SLC6A2: variants seen among roughly 807,000 people sequenced by gnomAD.
SLC6A2 encodes sodium-dependent noradrenaline transporter.
In SLC6A2, 26 loss-of-function variants were observed where a neutral mutation model predicts 71.7. That is an observed-to-expected ratio of 0.36 (90% CI 0.27 to 0.50). The LOEUF (loss-of-function observed/expected upper bound fraction) is 0.50, where lower values mean the gene tolerates loss of function less well. Ranked by LOEUF, SLC6A2 falls within the 20% of genes least tolerant of loss-of-function variation. The pLI is 0.96. For synonymous variants in SLC6A2, 363 were observed against 337.9 expected (o/e 1.07, Z -0.82); for missense variants, 581 against 803.9 (o/e 0.72, Z 3.35).
intron 3 of SLC6A2, 137 bp downstream of exon 3, chr16:55,669,833 G>A: frequency 1.1e-6 from 1 of 938,158 alleles, no homozygotes; most frequent in South Asian, 1.4e-5. Flanking sequence ...GGTCAACAGT[G>A]TCCCCCATTC....
Position 55,685,327 on chromosome 16 carries a change from T to TG in SLC6A2, c.783+52dup, listed in dbSNP as rs535108038. 4.2e-4 allele frequency: 659 copies of TG among 1,586,632 alleles called. 5 individuals are homozygous for TG. In the East Asian group the frequency reaches 0.014, roughly 34 times the overall value. ...TTTCACTTACTTGGGTGATCAACCT[T>TG]GGGGGGTGTGATTATTTCTAGCAAT... On this transcript the variant is annotated intron_variant, in intron 5 of 14. Transcript: ENST00000568943.
chr16:55,660,656 T>C (rs1375474344), intron 2 of SLC6A2, among the ~76,000 whole-genome samples: 3 of 151,264 alleles, frequency 2.0e-5, no homozygotes, highest in African/African-American at 4.9e-5. Flanking sequence ...ATCTCGGGCA[T>C]AGTACAGCCC....
Position 55,692,035 on chromosome 16 carries a change from C to A in SLC6A2, c.901C>A (p.Arg301Ser), listed in dbSNP as rs1336250273. The A allele has an allele frequency of 6.8e-6, 11 of 1,614,184 alleles. No individual in the cohort carries two copies. Among genetic ancestry groups the A allele is most frequent in the Non-Finnish European group, 9.3e-6 (11 of 1,180,028 alleles). Residue 301 changes from arginine (R) to serine (S), a missense_variant, in exon 6 of 15, where the codon CGC becomes AGC. Transcript: ENST00000568943. ...INAYLHIDFYRLKEATVWIDA... is the reference protein window; with the variant it reads ...INAYLHIDFYSLKEATVWIDA... ...TGCCTACCTGCACATCGACTTCTAC[C>A]GCTTGAAAGAGGCCACGGTCAGTGC...
intron 4 of SLC6A2, among the ~76,000 whole-genome samples, chr16:55,675,656 G>A (rs1376090818): frequency 2.0e-5 from 3 of 152,136 alleles, no homozygotes; most frequent in South Asian, 2.1e-4. Context: ...GGTGGTTACC[G>A]AGCAGTTGAA....
At chr16:55,690,670 T>C (rs1965590003) in intron 5 of SLC6A2, among the ~76,000 whole-genome samples, 1 of 152,144 alleles carries the variant, frequency 6.6e-6, no homozygotes, top group Non-Finnish European at 1.5e-5. Context: ...CCTAAAGTGG[T>C]GATTTCTCAC....
At chr16:55,666,544 C>G (rs1964755915) in intron 2 of SLC6A2, among the ~76,000 whole-genome samples, 1 of 152,178 alleles carries the variant, frequency 6.6e-6, no homozygotes, top group Non-Finnish European at 1.5e-5. Flanking sequence ...TTCATTCCTA[C>G]TTAGCCATTT....
intron 5 of SLC6A2, among the ~76,000 whole-genome samples, chr16:55,690,883 C>A (rs554733741): frequency 6.6e-6 from 1 of 152,144 alleles, no homozygotes; most frequent in African/African-American, 2.4e-5. Flanking sequence ...CCATCCCTGT[C>A]TCTACCTTTC....
chr16:55,665,660 C>T (rs1964729281), intron 2 of SLC6A2, among the ~76,000 whole-genome samples: 1 of 152,104 alleles, frequency 6.6e-6, no homozygotes, highest in Non-Finnish European at 1.5e-5. Flanking sequence ...GGCCACTGCA[C>T]CCCTCACTGA....
Position 55,703,087 on chromosome 16 carries a change from G to T in SLC6A2, c.*741G>T, listed in dbSNP as rs1400982580. The T allele has an allele frequency of 2.0e-6, 2 of 985,708 alleles. No individual in the cohort carries two copies. The highest frequency in any genetic ancestry group is 2.4e-6 in the Non-Finnish European group (2 of 830,248). The allele number at this position is 985,708 out of a possible 1,614,324, so 61.1% of individuals were successfully genotyped here. ...AGGGTAAATGAACCACAGTGAGCAG[G>T]TTCTAGGAGGTACCTGCATCAGACA... On this transcript the variant is annotated 3_prime_UTR_variant, in exon 15 of 15. Coordinates refer to ENST00000568943, the MANE Select transcript of SLC6A2 (RefSeq NM_001172501.3).
Position 55,694,194 on chromosome 16 carries a change from G to A in SLC6A2, c.1022+81G>A, listed in dbSNP as rs189378009. On this transcript the variant is annotated intron_variant, in intron 7 of 14. Transcript: ENST00000568943. ...TGGGTGGCAGAGAGGGCTCTGGTCT[G>A]GAAGCCAACTCTCCCTGGGCAAGCC... 754 of 1,029,572 alleles carry A rather than the reference G, an allele frequency of 7.3e-4. 2 individuals are homozygous for A. The highest frequency in any genetic ancestry group is 6.3e-4 in the Admixed American group (37 of 58,896). 63.8% of individuals were successfully genotyped at this position (1,029,572 alleles called of 1,614,324 possible). A position where few individuals can be genotyped will look rare whatever the true frequency, so the allele number is the denominator to read the frequency against.
At chr16:55,660,318 G>C (rs1964576472) in intron 2 of SLC6A2, among the ~76,000 whole-genome samples, 1 of 152,138 alleles carries the variant, frequency 6.6e-6, no homozygotes, top group Non-Finnish European at 1.5e-5. Context: ...TAAGGGGTGG[G>C]GATATTATAC....
chr16:55,684,443 T>A (rs1329444700), intron 4 of SLC6A2, among the ~76,000 whole-genome samples: 1 of 152,222 alleles, frequency 6.6e-6, no homozygotes, highest in Non-Finnish European at 1.5e-5. Flanking sequence ...TTCTAGAGCA[T>A]GTCTTTTGGT....
chr16:55,696,131 T>G, intron 8 of SLC6A2, 94 bp from the exon 9 acceptor site: 1 of 805,194 alleles, frequency 1.2e-6, no homozygotes, highest in Non-Finnish European at 2.2e-6. Flanking sequence ...CGCCCACACA[T>G]GACCGAACAA....
chr16:55,695,800 T>C (rs1351162140), intron 8 of SLC6A2, among the ~76,000 whole-genome samples: 1 of 152,198 alleles, frequency 6.6e-6, no homozygotes, highest in Non-Finnish European at 1.5e-5. Flanking sequence ...AGTGAGCAAT[T>C]GTGCAATAGT....
Position 55,656,318 on chromosome 16 carries a change from C to T in SLC6A2, c.-52+149C>T. 2.7e-6 allele frequency: 1 copy of T among 367,740 alleles called. No individual in the cohort carries two copies. Among genetic ancestry groups the T allele is most frequent in the South Asian group, 2.4e-5 (1 of 40,910 alleles). 22.8% of individuals were successfully genotyped at this position (367,740 alleles called of 1,614,324 possible). A position where few individuals can be genotyped will look rare whatever the true frequency, so the allele number is the denominator to read the frequency against. On this transcript the variant is annotated intron_variant, in intron 1 of 14. Coordinates refer to ENST00000568943, the MANE Select transcript of SLC6A2 (RefSeq NM_001172501.3). The surrounding 1 kb of genome is among the most constrained non-coding windows in gnomAD (Gnocchi z 4.5). ...GCTGTTGAAGTGTCGCGGACCTGAGCTGGGGAGGGGGTCGGCACGCTGCCC... is the reference window on the plus strand; with the variant it reads ...GCTGTTGAAGTGTCGCGGACCTGAGTTGGGGAGGGGGTCGGCACGCTGCCC...
At chr16:55,686,839 T>C (rs1221640929) in intron 5 of SLC6A2, among the ~76,000 whole-genome samples, 1 of 152,212 alleles carries the variant, frequency 6.6e-6, no homozygotes, top group East Asian at 1.9e-4. Flanking sequence ...ATAGGACCAC[T>C]AACATTCTGA....
intron 2 of SLC6A2, 31 bp from the exon 3 acceptor site, chr16:55,669,534 T>C: frequency 6.2e-7 from 1 of 1,612,860 alleles, no homozygotes; most frequent in South Asian, 1.1e-5. Flanking sequence ...CAGGGGTCTG[T>C]CAGGTCACAC....
intron 13 of SLC6A2, 56 bp from the exon 14 acceptor site, chr16:55,701,807 G>A: frequency 7.3e-7 from 1 of 1,366,404 alleles, no homozygotes; most frequent in Non-Finnish European, 1.0e-6. Context: ...CAGCCAGGCT[G>A]CCAGAAGGGT....
At position 55,686,864 on chromosome 16, in the gene SLC6A2, T is replaced by A. The variant is rs149621558; in HGVS notation, c.783+1583T>A. ...TAACATTCTGATGCCTGGCACCTAG[T>A]AGGTCTTCAGTAAATATTTATTGGG... On this transcript the variant is annotated intron_variant, in intron 5 of 14. Transcript: ENST00000568943. Among the ~76,000 whole-genome samples the A allele has an allele frequency of 1.8e-4, 28 of 152,328 alleles. No individual in the cohort carries two copies. In the East Asian group the frequency reaches 5.4e-3, roughly 29 times the overall value.
Sources: gnomAD v4.1 joint callset for allele counts (sites outside exome capture counted in the v4.1 genomes callset) on GRCh38, gnomAD v4.1.1 for gene constraint, Gnocchi (gnomAD v3.1) non-coding constraint, MANE v1.5 for transcripts, NCBI Gene and HGNC (gene_info 2026-07-23, HGNC 2026-07-21) for gene names.